KCTD16: variants seen among roughly 807,000 people sequenced by gnomAD.
KCTD16 encodes the protein BTB/POZ domain-containing protein KCTD16.
Under a neutral mutation model 33.2 loss-of-function variants are expected in KCTD16, and 13 were observed. That is an observed-to-expected ratio of 0.39 (90% CI 0.25 to 0.62). The LOEUF is 0.62. KCTD16 is among the 20% of genes least tolerant of loss of function. KCTD16 has a pLI of 0.50. For synonymous variants in KCTD16, 197 were observed against 195.3 expected, an observed-to-expected ratio of 1.01 and a Z score of -0.07; for missense variants, 441 against 525.1, an observed-to-expected ratio of 0.84 and a Z score of 1.57.
intron 3 of KCTD16, among the ~76,000 whole-genome samples, chr5:144,210,775 T>A (rs1403133014): frequency 6.6e-6 from 1 of 152,118 alleles, no homozygotes; most frequent in Non-Finnish European, 1.5e-5. Context: ...GTGGGAAGAT[T>A]GTTCTTGGTT....
At chr5:144,430,612 A>T (rs1489488750) in intron 3 of KCTD16, among the ~76,000 whole-genome samples, 1 of 152,168 alleles carries the variant, frequency 6.6e-6, no homozygotes, top group East Asian at 1.9e-4. Flanking sequence ...ATTAGCAGTG[A>T]GAAGGGTTGT....
intron 3 of KCTD16, among the ~76,000 whole-genome samples, chr5:144,453,380 G>A (rs899970131): frequency 3.3e-5 from 5 of 152,138 alleles, no homozygotes; most frequent in Admixed American, 1.3e-4. Context: ...TCTTGATGCC[G>A]AAGAGAAGCG....
intron 3 of KCTD16, among the ~76,000 whole-genome samples, chr5:144,281,085 A>G (rs12186487): frequency 0.25 from 36,408 of 144,588 alleles, 4,496 homozygotes; most frequent in Non-Finnish European, 0.29. Context: ...GGGAGGCTGA[A>G]GCAGGAGAAT....
intron 3 of KCTD16, among the ~76,000 whole-genome samples, chr5:144,387,968 T>C (rs1378097172): frequency 6.6e-6 from 1 of 151,860 alleles, no homozygotes; most frequent in East Asian, 1.9e-4. Flanking sequence ...TCTACTGATT[T>C]CATTAATTTT....
chr5:144,187,278 A>T (rs796774649), intron 2 of KCTD16, among the ~76,000 whole-genome samples: 8 of 152,320 alleles, frequency 5.3e-5, no homozygotes, highest in African/African-American at 1.7e-4. Flanking sequence ...AATAGTTGTT[A>T]CTATGCATAT....
intron 3 of KCTD16, among the ~76,000 whole-genome samples, chr5:144,415,142 G>C (rs1368439990): frequency 6.6e-6 from 1 of 152,194 alleles, no homozygotes; most frequent in East Asian, 1.9e-4. Context: ...GAGAGGGTGA[G>C]AGAGCGGAAA....
chr5:144,403,639 C>T (rs1477569681), intron 3 of KCTD16, among the ~76,000 whole-genome samples: 1 of 152,166 alleles, frequency 6.6e-6, no homozygotes, highest in African/African-American at 2.4e-5. Context: ...TTGTCTTAAG[C>T]CACCAGTTTA....
At chr5:144,300,597 C>A (rs144338049) in intron 3 of KCTD16, among the ~76,000 whole-genome samples, 136 of 152,170 alleles carry the variant, frequency 8.9e-4, no homozygotes, top group African/African-American at 3.2e-3. Flanking sequence ...TGTTGATTAT[C>A]CAACTCATCA....
intron 3 of KCTD16, among the ~76,000 whole-genome samples, chr5:144,339,618 G>A (rs1752578052): frequency 6.6e-6 from 1 of 152,166 alleles, no homozygotes; most frequent in African/African-American, 2.4e-5. Flanking sequence ...ACATGATCTT[G>A]TTAGGTGTGG....
intron 3 of KCTD16, among the ~76,000 whole-genome samples, chr5:144,453,689 T>G (rs2126986651): frequency 6.6e-6 from 1 of 152,272 alleles, no homozygotes; most frequent in East Asian, 1.9e-4. Flanking sequence ...ATTGAGTAAT[T>G]GTTGTTAGAG....
chr5:144,174,686 C>T (rs781728433), intron 2 of KCTD16, among the ~76,000 whole-genome samples: 27 of 152,068 alleles, frequency 1.8e-4, no homozygotes, highest in Admixed American at 4.6e-4. Flanking sequence ...CAGGTTTGCC[C>T]GTAATGGCAT....
chr5:144,394,065 C>A (rs546481081), intron 3 of KCTD16, among the ~76,000 whole-genome samples: 20 of 151,366 alleles, frequency 1.3e-4, no homozygotes, highest in Non-Finnish European at 2.8e-4. Context: ...TGGCAGCTCC[C>A]CCTGTCGTGC....
chr5:144,329,000 C>G (rs539632180), intron 3 of KCTD16, among the ~76,000 whole-genome samples: 18 of 152,112 alleles, frequency 1.2e-4, no homozygotes, highest in Non-Finnish European at 2.1e-4. Flanking sequence ...ATATGATCAC[C>G]CATCTATATC....
chr5:144,195,021 G>A (rs1357266961), intron 2 of KCTD16, among the ~76,000 whole-genome samples: 1 of 152,036 alleles, frequency 6.6e-6, no homozygotes, highest in Non-Finnish European at 1.5e-5. Context: ...GATTTCCTTT[G>A]TGTCACACAC....
At chr5:144,374,899 C>A (rs1448814272) in intron 3 of KCTD16, among the ~76,000 whole-genome samples, 2 of 152,188 alleles carry the variant, frequency 1.3e-5, no homozygotes, top group Non-Finnish European at 2.9e-5. Context: ...TTCTACTCAG[C>A]AAAAAGTAGC....
intron 2 of KCTD16, among the ~76,000 whole-genome samples, chr5:144,201,036 T>C (rs971100195): frequency 6.6e-6 from 1 of 152,190 alleles, no homozygotes; most frequent in African/African-American, 2.4e-5. Flanking sequence ...GCGAGCCACC[T>C]TACCCAGCCA....
intron 3 of KCTD16, among the ~76,000 whole-genome samples, chr5:144,427,340 C>T (rs930404832): frequency 6.6e-6 from 1 of 152,048 alleles, no homozygotes; most frequent in African/African-American, 2.4e-5. Flanking sequence ...AATAGACATT[C>T]CTACTTTATT....
intron 3 of KCTD16, among the ~76,000 whole-genome samples, chr5:144,219,977 C>G (rs1299468921): frequency 1.3e-5 from 2 of 152,192 alleles, no homozygotes; most frequent in Non-Finnish European, 2.9e-5. Flanking sequence ...ACACATACTT[C>G]ATGGCCCTGG....
chr5:144,396,122 A>ATTT (rs1752562767), intron 3 of KCTD16, among the ~76,000 whole-genome samples: 1 of 151,878 alleles, frequency 6.6e-6, no homozygotes, highest in African/African-American at 2.4e-5. Flanking sequence ...GGGAAATCAG[A>ATTT]CCCATTTTCT....
Sources: allele counts gnomAD v4.1 joint callset (sites outside exome capture counted in the v4.1 genomes callset), GRCh38; gene constraint gnomAD v4.1.1; transcripts MANE v1.5; gene names NCBI Gene and HGNC (gene_info 2026-07-23, HGNC 2026-07-21).